The following GABRR2 variants were observed in gnomAD, a reference collection of about 807,000 sequenced individuals.
The protein encoded by GABRR2 is gamma-aminobutyric acid receptor subunit rho-2.
Under a neutral mutation model 47.0 loss-of-function variants are expected in GABRR2, and 36 were observed. The observed-to-expected ratio is 0.77, with a 90% CI of 0.59 to 1.01. The LOEUF (loss-of-function observed/expected upper bound fraction) is 1.01, where lower values mean the gene tolerates loss of function less well. GABRR2 is among the 50% of genes least tolerant of loss of function. GABRR2 has a pLI of 0.00. For missense variants in GABRR2, 587 were observed against 594.6 expected, an observed-to-expected ratio of 0.99 and a Z score of 0.13; for synonymous variants, 204 against 227.5, an observed-to-expected ratio of 0.90 and a Z score of 0.93.
Position 89,255,306 on chromosome 6 carries a change from C to T in GABRR2, c.*2364G>A, listed in dbSNP as rs183785436. On this transcript the variant is annotated 3_prime_UTR_variant, in exon 9 of 9. Coordinates refer to ENST00000402938, the MANE Select transcript of GABRR2 (RefSeq NM_002043.5). ...TACAAAAGTTAGCCAGGCATGGTGG[C>T]GCATGCCTGTAATCCCAGCTACTCC... Among the ~76,000 whole-genome samples, 25 of 151,996 alleles carry T rather than the reference C, an allele frequency of 1.6e-4. No individual in the cohort carries two copies. Among genetic ancestry groups the T allele is most frequent in the South Asian group, 2.1e-4 (1 of 4,814 alleles).
intron 2 of GABRR2, among the ~76,000 whole-genome samples, chr6:89,286,633 G>A (rs906944805): frequency 2.5e-4 from 38 of 151,770 alleles, no homozygotes; most frequent in Non-Finnish European, 5.3e-4. Context: ...ACTGCCCAGC[G>A]GCCCAGTCCT....
At chr6:89,303,390 T>C (rs1293754554) in intron 1 of GABRR2, among the ~76,000 whole-genome samples, 14 of 150,088 alleles carry the variant, frequency 9.3e-5, no homozygotes. Context: ...TTTTCAGGGA[T>C]ACTTAATAAA....
chr6:89,262,641 C>G (rs1057290321), intron 8 of GABRR2, among the ~76,000 whole-genome samples: 1 of 152,156 alleles, frequency 6.6e-6, no homozygotes, highest in Admixed American at 6.5e-5. Context: ...TTTGAAAAGG[C>G]AACATATTCT....
In GABRR2 at chr6:89,257,910, G is replaced by A; in HGVS notation, c.1158C>T (p.Ala386=). 1 of 1,613,960 alleles carries A rather than the reference G, an allele frequency of 6.2e-7. No individual in the cohort carries two copies. Among genetic ancestry groups the A allele is most frequent in the Non-Finnish European group, 8.5e-7 (1 of 1,179,866 alleles). Residue 386 remains alanine (A), a synonymous_variant, in exon 9 of 9, where the codon GCC becomes GCT. Transcript: ENST00000402938. ...MLDGSYSESE[A]NSLAGYPRSH... ...TTCTGGGGTACCCAGCCAGGCTGTT[G>A]GCCTCAGACTCACTGTAGCTTCCAT...
At chr6:89,287,685 G>T (rs141012437) in intron 2 of GABRR2, among the ~76,000 whole-genome samples, 1 of 152,356 alleles carries the variant, frequency 6.6e-6, no homozygotes, top group Non-Finnish European at 1.5e-5. Flanking sequence ...AGGACTTGAG[G>T]ATTAGAAGGT....
intron 2 of GABRR2, among the ~76,000 whole-genome samples, chr6:89,294,688 C>T (rs903654228): frequency 4.6e-5 from 7 of 151,352 alleles, no homozygotes; most frequent in Non-Finnish European, 7.4e-5. Flanking sequence ...ATGTGTACAA[C>T]GTGCAGGTTT....
chr6:89,258,126 G>A (rs1284504984), intron 8 of GABRR2, 145 bp from the exon 9 acceptor site: 13 of 771,752 alleles, frequency 1.7e-5, no homozygotes, highest in South Asian at 3.8e-5. Flanking sequence ...TTAGTCCAAC[G>A]ATCCTCTACC....
At chr6:89,263,055 A>T (rs538006822) in intron 8 of GABRR2, among the ~76,000 whole-genome samples, 1 of 152,130 alleles carries the variant, frequency 6.6e-6, no homozygotes, top group Non-Finnish European at 1.5e-5. Context: ...TTTGCAGTTG[A>T]CCCTTGAACA....
chr6:89,265,884 T>C, intron 6 of GABRR2, 119 bp from the exon 7 acceptor site: 2 of 955,530 alleles, frequency 2.1e-6, no homozygotes, highest in East Asian at 5.0e-5. Context: ...TTGAAATTAA[T>C]GACCAGTTGG....
chr6:89,268,081 G>A lies in GABRR2; in HGVS notation c.528C>T (p.Ala176=). Residue 176 remains alanine, a synonymous_variant, in exon 5 of 9, where the codon GCC becomes GCT. Transcript: ENST00000402938. The part of the protein sequence containing the change: ...VLYSMRITVT[A]MCNMDFSHFP... ...AGTGGCTGAAGTCCATGTTGCACAT[G>A]GCAGTGACCGTAATCCTAGACAACC... is the stretch of plus-strand genomic sequence containing the variant. The A allele has an allele frequency of 6.2e-7, 1 of 1,609,826 alleles. No individual in the cohort carries two copies. The highest frequency in any genetic ancestry group is 2.2e-5 in the East Asian group (1 of 44,752).
rs1554197253 is a variant in GABRR2 at position 89,280,247 on chromosome 6, T to TAC, written c.221-8526_221-8525insGT. ...ATATATATATATATATATATATATATATATATACATACATATACATATACA... is the reference window on the plus strand; with the variant it reads ...ATATATATATATATATATATATATATACATATATACATACATATACATATACA... On this transcript the variant is annotated intron_variant, in intron 2 of 8. Transcript: ENST00000402938. Among the ~76,000 whole-genome samples, 737 of 101,324 alleles carry TAC rather than the reference T, an allele frequency of 7.3e-3. 5 individuals are homozygous for TAC. The highest frequency in any genetic ancestry group is 0.011 in the Non-Finnish European group (555 of 48,718). The allele number at this position is 101,324 out of a possible 152,430, so 66.5% of individuals were successfully genotyped here. A position where few individuals can be genotyped will look rare whatever the true frequency, so the allele number is the denominator to read the frequency against.
chr6:89,265,670 G>C lies in GABRR2; in HGVS notation c.832C>G (p.Leu278Val). 2 of 1,614,224 alleles carry C rather than the reference G, an allele frequency of 1.2e-6. No individual in the cohort carries two copies. The highest frequency in any genetic ancestry group is 8.5e-7 in the Non-Finnish European group (1 of 1,180,040). ...TYFPATLMVM[L>V]SWVSFWIDRR... ...TCGATCCAGAAGGACACCCAGGACA[G>C]CATGACCATCAGAGTGGCAGGGAAA... Residue 278 changes from leucine (L) to valine (V), a missense_variant, in exon 7 of 9, where the codon CTG becomes GTG. By Grantham distance (32) the Leu-to-Val change is conservative (BLOSUM62 1). Coordinates refer to ENST00000402938, the MANE Select transcript of GABRR2 (RefSeq NM_002043.5).
chr6:89,308,934 G>A (rs1465395113), intron 1 of GABRR2, among the ~76,000 whole-genome samples: 2 of 152,208 alleles, frequency 1.3e-5, no homozygotes, highest in Admixed American at 1.3e-4. Flanking sequence ...AGTCGGGGAG[G>A]TGGACGATAA....
chr6:89,278,463 C>G (rs1774203746), intron 2 of GABRR2, among the ~76,000 whole-genome samples: 1 of 152,168 alleles, frequency 6.6e-6, no homozygotes, highest in Non-Finnish European at 1.5e-5. Context: ...AAAAATAACA[C>G]CTATTAATAT....
chr6:89,280,170 C>T (rs1774230728), intron 2 of GABRR2, among the ~76,000 whole-genome samples: 1 of 145,844 alleles, frequency 6.9e-6, no homozygotes, highest in African/African-American at 2.6e-5. Flanking sequence ...GATCGTGCCA[C>T]TATATTCCAG....
At chr6:89,291,320 C>T (rs1774436529) in intron 2 of GABRR2, among the ~76,000 whole-genome samples, 1 of 152,170 alleles carries the variant, frequency 6.6e-6, no homozygotes, top group Admixed American at 6.5e-5. Flanking sequence ...CACAGGCCCA[C>T]AGTGAGCTTC....
Position 89,271,642 on chromosome 6 carries a change from G to A in GABRR2, c.288+13C>T. 1 of 1,607,154 alleles carries A rather than the reference G, an allele frequency of 6.2e-7. No individual in the cohort carries two copies. The highest frequency in any genetic ancestry group is 8.5e-7 in the Non-Finnish European group (1 of 1,176,500). ...CAGGCTCTCACGCTGTGTCACTGGA[G>A]GCCGCTGCATACCATGTCCACCTCG... is the stretch of plus-strand genomic sequence containing the variant. On this transcript the variant is annotated intron_variant, in intron 3 of 8. Coordinates refer to ENST00000402938, the MANE Select transcript of GABRR2 (RefSeq NM_002043.5).
At chr6:89,262,191 G>A (rs1158403700) in intron 8 of GABRR2, among the ~76,000 whole-genome samples, 1 of 152,128 alleles carries the variant, frequency 6.6e-6, no homozygotes, top group Non-Finnish European at 1.5e-5. Flanking sequence ...ACCAGTCCTG[G>A]TCAGTTTACA....
chr6:89,280,003 A>T (rs1329219501), intron 2 of GABRR2, among the ~76,000 whole-genome samples: 1 of 151,998 alleles, frequency 6.6e-6, no homozygotes, highest in African/African-American at 2.4e-5. Context: ...TGAAGCCAAG[A>T]GTTAGAGACT....
Sources: allele counts gnomAD v4.1 joint callset (sites outside exome capture counted in the v4.1 genomes callset), GRCh38; gene constraint gnomAD v4.1.1; transcripts MANE v1.5; gene names NCBI Gene and HGNC (gene_info 2026-07-23, HGNC 2026-07-21).